Variants in MSRB3 observed in about 807,000 individuals in gnomAD.
MSRB3 encodes methionine sulfoxide reductase B3, also known as methionine-R-sulfoxide reductase B3.
In MSRB3, 13 loss-of-function variants were observed where a neutral mutation model predicts 21.0. That is an observed-to-expected ratio of 0.62 (90% CI 0.40 to 0.98). The LOEUF is 0.98. MSRB3 is among the 50% of genes least tolerant of loss of function. The probability of loss-of-function intolerance (pLI) is 0.00; values close to 1 mark genes in which losing one functional copy is unlikely to be tolerated. For synonymous variants in MSRB3, 87 were observed against 88.6 expected (o/e 0.98, Z 0.10); for missense variants, 199 against 230.3 (o/e 0.86, Z 0.88).
At chr12:65,420,776 T>A (rs944820032) in intron 5 of MSRB3, among the ~76,000 whole-genome samples, 1 of 152,208 alleles carries the variant, frequency 6.6e-6, no homozygotes, top group African/African-American at 2.4e-5. Flanking sequence ...TCCAGCTCCA[T>A]CCATGTTTCT....
intron 1 of MSRB3, among the ~76,000 whole-genome samples, chr12:65,305,674 T>G (rs1398583438): frequency 6.6e-6 from 1 of 152,130 alleles, no homozygotes; most frequent in Non-Finnish European, 1.5e-5. Flanking sequence ...GTTGTGGGGA[T>G]TAAAAGGGCT....
At chr12:65,315,667 C>A (rs1398854307) in intron 2 of MSRB3, among the ~76,000 whole-genome samples, 1 of 76,064 alleles carries the variant, frequency 1.3e-5, no homozygotes, top group South Asian at 5.6e-4. Context: ...GACTCTGTCT[C>A]CATCTCAAAA....
rs773166738 is a variant in MSRB3 at position 65,326,794 on chromosome 12, G to A, written c.77-32G>A. 40 of 1,556,402 alleles carry A rather than the reference G, an allele frequency of 2.6e-5. 1 individual carries two copies. The South Asian group carries it at 4.4e-4, about 17-fold the overall frequency. ...AATTATTTAGGATTCAAGCTAAAAA[G>A]GCTTCTTCTCCCATATCCTCTCTCT... is the stretch of plus-strand genomic sequence containing the variant. On this transcript the variant is annotated intron_variant, in intron 2 of 6. Coordinates refer to ENST00000308259, the MANE Select transcript of MSRB3 (RefSeq NM_001031679.3).
intron 4 of MSRB3, among the ~76,000 whole-genome samples, chr12:65,335,100 C>T (rs1875675082): frequency 1.3e-5 from 2 of 152,144 alleles, no homozygotes; most frequent in South Asian, 4.1e-4. Flanking sequence ...TGTGTGATCT[C>T]AGATTCATCA....
At chr12:65,442,799 T>A (rs573281281) in intron 5 of MSRB3, among the ~76,000 whole-genome samples, 1 of 152,192 alleles carries the variant, frequency 6.6e-6, no homozygotes, top group Admixed American at 6.5e-5. Flanking sequence ...TGGCTAAAGA[T>A]CAGGCTGTTA....
chr12:65,310,049 TGA>T (rs1873894868), intron 2 of MSRB3, among the ~76,000 whole-genome samples: 1 of 152,164 alleles, frequency 6.6e-6, no homozygotes, highest in South Asian at 2.1e-4. Context: ...GATGTTTCTG[TGA>T]GAGAGGCTGG....
At chr12:65,316,756 A>G (rs913424534) in intron 2 of MSRB3, among the ~76,000 whole-genome samples, 4 of 152,184 alleles carry the variant, frequency 2.6e-5, no homozygotes, top group Non-Finnish European at 4.4e-5. Flanking sequence ...ACGATTCTAT[A>G]TGAACACTTT....
At chr12:65,311,486 TTAGA>T (rs1277972462) in intron 2 of MSRB3, among the ~76,000 whole-genome samples, 1 of 152,070 alleles carries the variant, frequency 6.6e-6, no homozygotes, top group Non-Finnish European at 1.5e-5. Context: ...GATTTTGCTC[TTAGA>T]TATATAGAAA....
chr12:65,307,968 G>A (rs987815358), intron 1 of MSRB3, among the ~76,000 whole-genome samples: 2 of 152,140 alleles, frequency 1.3e-5, no homozygotes, highest in Admixed American at 1.3e-4. Context: ...TTATTTTATA[G>A]TCTTCTCCAG....
chr12:65,353,025 A>G (rs1877130107), intron 4 of MSRB3, among the ~76,000 whole-genome samples: 1 of 151,314 alleles, frequency 6.6e-6, no homozygotes, highest in Admixed American at 6.6e-5. Flanking sequence ...CTAAGCCAAA[A>G]GAACAAAGCT....
intron 5 of MSRB3, among the ~76,000 whole-genome samples, chr12:65,404,168 T>G (rs887857214): frequency 6.6e-6 from 1 of 152,242 alleles, no homozygotes; most frequent in Admixed American, 6.5e-5. Context: ...CTCAAATTCC[T>G]GTGCTCAAGT....
rs561368457 is a variant in MSRB3 at position 65,465,989 on chromosome 12, C to T, written c.*2667C>T. On this transcript the variant is annotated 3_prime_UTR_variant, in exon 7 of 7. Coordinates refer to ENST00000308259, the MANE Select transcript of MSRB3 (RefSeq NM_001031679.3). ...CTGTAGGATAGCCTCCCCTGGGGTC[C>T]GTGGGACGCGGGCCACAGTGTTGAG... 2.0e-5 allele frequency: 3 copies of T among 152,110 alleles called. No homozygotes were observed. Among genetic ancestry groups the T allele is most frequent in the Non-Finnish European group, 4.4e-5 (3 of 68,040 alleles). 9.4% of individuals were successfully genotyped at this position (152,110 alleles called of 1,614,324 possible).
intron 5 of MSRB3, among the ~76,000 whole-genome samples, chr12:65,371,328 C>CAAAAAAAA (rs34453745): frequency 2.4e-5 from 2 of 84,832 alleles, no homozygotes; most frequent in African/African-American, 4.6e-5. Context: ...GACTCCATCT[C>CAAAAAAAA]AAAAAAAAAA....
At chr12:65,405,453 A>C (rs879599345) in intron 5 of MSRB3, among the ~76,000 whole-genome samples, 3 of 151,472 alleles carry the variant, frequency 2.0e-5, no homozygotes, top group Admixed American at 2.0e-4. Flanking sequence ...TGATATATAT[A>C]TATACACCAC....
intron 5 of MSRB3, among the ~76,000 whole-genome samples, chr12:65,378,268 T>C (rs934974031): frequency 6.6e-6 from 1 of 152,214 alleles, no homozygotes; most frequent in African/African-American, 2.4e-5. Flanking sequence ...CCAAGGATCA[T>C]ACAAAAATAG....
At chr12:65,319,800 A>T (rs992336118) in intron 2 of MSRB3, among the ~76,000 whole-genome samples, 1 of 152,212 alleles carries the variant, frequency 6.6e-6, no homozygotes, top group Non-Finnish European at 1.5e-5. Context: ...GAATAATTGC[A>T]TAATACTGTA....
At chr12:65,349,741 C>G (rs1015911542) in intron 4 of MSRB3, among the ~76,000 whole-genome samples, 48 of 150,830 alleles carry the variant, frequency 3.2e-4, no homozygotes, top group African/African-American at 1.0e-3. Context: ...CCTTCACCCA[C>G]TTTTTGATGG....
chr12:65,284,239 T>C (rs1035947443), intron 1 of MSRB3: 1 of 152,232 alleles, frequency 6.6e-6, no homozygotes, highest in Non-Finnish European at 1.5e-5. Flanking sequence ...AGGTGAATTA[T>C]AGGTTATATA....
chr12:65,444,811 G>A (rs1255879124), intron 5 of MSRB3, among the ~76,000 whole-genome samples: 1 of 152,072 alleles, frequency 6.6e-6, no homozygotes, highest in Non-Finnish European at 1.5e-5. Flanking sequence ...TTCAGACTCT[G>A]TCCTGATTCC....
Sources: allele counts gnomAD v4.1 joint callset (sites outside exome capture counted in the v4.1 genomes callset), GRCh38; gene constraint gnomAD v4.1.1; transcripts MANE v1.5; gene names NCBI Gene and HGNC (gene_info 2026-07-23, HGNC 2026-07-21).